The following CGNL1 variants were observed in gnomAD, a reference collection of about 807,000 sequenced individuals.
The protein encoded by CGNL1 is cingulin like 1.
CGNL1 carries 132 observed loss-of-function variants against 141.2 expected under a neutral mutation model. The ratio of observed to expected loss-of-function variants is 0.93; its 90% CI spans 0.81 to 1.08. The LOEUF (loss-of-function observed/expected upper bound fraction) is 1.08. Among genes scored for constraint, CGNL1 ranks in the 50% least tolerant of loss-of-function variants. CGNL1 has a pLI of 0.00. For missense variants in CGNL1, 1,870 were observed against 1,588.6 expected (o/e 1.18, Z -3.01); for synonymous variants, 690 against 622.1 (o/e 1.11, Z -1.63).
intron 1 of CGNL1, among the ~76,000 whole-genome samples, chr15:57,403,771 C>T (rs1262186345): frequency 3.3e-5 from 5 of 152,186 alleles, no homozygotes; most frequent in African/African-American, 1.2e-4. Context: ...AGAAACATCC[C>T]GAGGGAGTGT....
chr15:57,514,135 G>A (rs1356265519), intron 8 of CGNL1, among the ~76,000 whole-genome samples: 4 of 148,308 alleles, frequency 2.7e-5, no homozygotes, highest in South Asian at 2.1e-4. Flanking sequence ...TATACTGTTC[G>A]GATCCTTTCC....
At chr15:57,530,230 T>G (rs1228076552) in intron 13 of CGNL1, among the ~76,000 whole-genome samples, 2 of 152,246 alleles carry the variant, frequency 1.3e-5, no homozygotes, top group Non-Finnish European at 2.9e-5. Flanking sequence ...TGTTAGGTCA[T>G]TTCCACTGCT....
At chr15:57,414,738 C>T (rs1408649164) in intron 1 of CGNL1, among the ~76,000 whole-genome samples, 3 of 152,208 alleles carry the variant, frequency 2.0e-5, no homozygotes, top group Non-Finnish European at 4.4e-5. Flanking sequence ...ATCCACCCTA[C>T]AATCAAATGA....
At chr15:57,406,586 G>A (rs1431319014) in intron 1 of CGNL1, among the ~76,000 whole-genome samples, 1 of 152,136 alleles carries the variant, frequency 6.6e-6, no homozygotes, top group Non-Finnish European at 1.5e-5. Context: ...TGGTAACATG[G>A]GTAAGTGGTA....
chr15:57,545,580 C>T lies in CGNL1; in HGVS notation c.3501-12C>T, dbSNP rs768420394. The T allele has an allele frequency of 3.1e-6, 5 of 1,608,988 alleles. No individual in the cohort carries two copies. The East Asian group carries it at 1.1e-4, about 36-fold the overall frequency. ...AGTGAGAGGGTTCTTGGTTCTGTCT[C>T]CCCTCTTCCAGGGATCGGGCCAATC... On this transcript the variant is annotated splice_polypyrimidine_tract_variant and intron_variant, in intron 16 of 18. Transcript: ENST00000281282.
At chr15:57,541,582 T>C (rs1237124471) in intron 14 of CGNL1, among the ~76,000 whole-genome samples, 1 of 152,240 alleles carries the variant, frequency 6.6e-6, no homozygotes, top group Non-Finnish European at 1.5e-5. Context: ...TCCTGGCCAC[T>C]GCTGGCATTT....
chr15:57,529,609 C>CACAT (rs71116519), intron 13 of CGNL1, among the ~76,000 whole-genome samples: 4 of 140,852 alleles, frequency 2.8e-5, no homozygotes, highest in African/African-American at 1.0e-4. Context: ...CACACACACA[C>CACAT]GCCCCAGTAG....
At chr15:57,445,996 A>C (rs576425234) in intron 4 of CGNL1, among the ~76,000 whole-genome samples, 1 of 152,222 alleles carries the variant, frequency 6.6e-6, no homozygotes, top group Non-Finnish European at 1.5e-5. Flanking sequence ...AAGCCAATTT[A>C]GCTAACATAC....
At chr15:57,414,562 G>A (rs1430479951) in intron 1 of CGNL1, among the ~76,000 whole-genome samples, 6 of 152,116 alleles carry the variant, frequency 3.9e-5, no homozygotes, top group African/African-American at 1.4e-4. Flanking sequence ...GCCCTGCCCT[G>A]TTGAAACTAG....
At chr15:57,534,785 C>A (rs1416035862) in intron 14 of CGNL1, among the ~76,000 whole-genome samples, 6 of 152,306 alleles carry the variant, frequency 3.9e-5, no homozygotes, top group South Asian at 2.1e-4. Flanking sequence ...ATAACATCGG[C>A]CCTGCCTTCC....
At position 57,547,298 on chromosome 15, in the gene CGNL1, A is replaced by G. The variant is rs1567182249; in HGVS notation, c.3774-57A>G. The G allele has an allele frequency of 5.6e-6, 9 of 1,594,876 alleles. No homozygotes were observed. In the East Asian group the frequency reaches 9.0e-5, roughly 16 times the overall value. ...ACCCAAAACCCTCCCTTTAAGTCCA[A>G]ATTAGCTATGGGCCCCGGCCCAGGG... On this transcript the variant is annotated intron_variant, in intron 18 of 18. Transcript: ENST00000281282.
intron 1 of CGNL1, among the ~76,000 whole-genome samples, chr15:57,386,234 T>C (rs955731984): frequency 1.3e-5 from 2 of 152,164 alleles, no homozygotes; most frequent in East Asian, 1.9e-4. Flanking sequence ...GCAGAGGACA[T>C]TGGTGGAGTG....
At chr15:57,423,929 C>T (rs74587579) in intron 1 of CGNL1, among the ~76,000 whole-genome samples, 2,790 of 152,278 alleles carry the variant, frequency 0.018, 73 homozygotes, top group African/African-American at 0.065. Context: ...CACCGCAGCT[C>T]GGTGCTGGAG....
At chr15:57,385,195 T>A (rs141469224) in intron 1 of CGNL1, among the ~76,000 whole-genome samples, 73 of 152,322 alleles carry the variant, frequency 4.8e-4, no homozygotes, top group African/African-American at 1.7e-3. Context: ...AAGTCCACCA[T>A]CCATTTTCCT....
intron 8 of CGNL1, among the ~76,000 whole-genome samples, chr15:57,499,238 CTTTTTT>C (rs201081475): frequency 3.3e-5 from 3 of 91,846 alleles, no homozygotes; most frequent in African/African-American, 9.9e-5. Flanking sequence ...AAGTTAATGG[CTTTTTT>C]TTTTTTTTTT....
At chr15:57,453,870 A>G (rs753118612) in intron 7 of CGNL1, 52 bp downstream of exon 7, 2 of 1,605,148 alleles carry the variant, frequency 1.2e-6, no homozygotes, top group Admixed American at 3.3e-5. Context: ...CTGCCTGGAA[A>G]GATGGAGTGG....
At chr15:57,516,519 G>C (rs766188337) in intron 8 of CGNL1, among the ~76,000 whole-genome samples, 1 of 152,144 alleles carries the variant, frequency 6.6e-6, no homozygotes, top group African/African-American at 2.4e-5. Flanking sequence ...GCAACCACTC[G>C]GCCCTGCTGT....
chr15:57,519,909 G>T (rs1426000262), intron 10 of CGNL1, among the ~76,000 whole-genome samples: 1 of 152,206 alleles, frequency 6.6e-6, no homozygotes. Flanking sequence ...ATACGGAAGT[G>T]GTTCCCCTGC....
chr15:57,465,314 C>A (rs966403190), intron 8 of CGNL1, among the ~76,000 whole-genome samples: 1 of 150,988 alleles, frequency 6.6e-6, no homozygotes, highest in Non-Finnish European at 1.5e-5. Context: ...TAAATATGTG[C>A]TCTTACACTT....
Sources: gnomAD v4.1 joint callset for allele counts (sites outside exome capture counted in the v4.1 genomes callset) on GRCh38, gnomAD v4.1.1 for gene constraint, MANE v1.5 for transcripts, NCBI Gene and HGNC (gene_info 2026-07-23, HGNC 2026-07-21) for gene names.